KCNN1: variants seen among roughly 807,000 people sequenced by gnomAD.
KCNN1 encodes small conductance calcium-activated potassium channel protein 1.
KCNN1 carries 20 observed loss-of-function variants against 44.7 expected under a neutral mutation model. The observed-to-expected ratio is 0.45, with a 90% confidence interval of 0.32 to 0.65. The LOEUF (loss-of-function observed/expected upper bound fraction) is 0.65, where lower values mean the gene tolerates loss of function less well. Ranked by LOEUF, KCNN1 falls within the 30% of genes least tolerant of loss-of-function variation. The pLI is 0.05. For synonymous variants in KCNN1, 324 were observed against 341.7 expected, an observed-to-expected ratio of 0.95 and a Z score of 0.57; for missense variants, 632 against 785.3, an observed-to-expected ratio of 0.80 and a Z score of 2.33.
chr19:17,996,762 G>A (rs1032595238), intron 9 of KCNN1, among the ~76,000 whole-genome samples: 2 of 152,196 alleles, frequency 1.3e-5, no homozygotes, highest in Non-Finnish European at 2.9e-5. Flanking sequence ...GTGCTAGGAG[G>A]GGAGGCCCCC....
intron 1 of KCNN1, among the ~76,000 whole-genome samples, chr19:17,953,888 C>T (rs983318189): frequency 4.6e-5 from 7 of 152,276 alleles, no homozygotes; most frequent in South Asian, 4.1e-4. Flanking sequence ...CATGTTCATG[C>T]GACTGCACTC....
intron 5 of KCNN1, among the ~76,000 whole-genome samples, chr19:17,987,786 C>T (rs755089972): frequency 7.7e-5 from 11 of 142,124 alleles, no homozygotes; most frequent in Non-Finnish European, 1.2e-4. Context: ...CATTTGAGGC[C>T]AGGTGTCCGA....
intron 7 of KCNN1, among the ~76,000 whole-genome samples, chr19:17,990,821 AAAAG>A (rs2032767892): frequency 1.3e-5 from 2 of 151,586 alleles, no homozygotes; most frequent in South Asian, 4.2e-4. Flanking sequence ...AAAAGAAAGA[AAAAG>A]AAAAAAAAGA....
rs754324500 is a variant in KCNN1, at chr19:17,983,231, C to A, written c.917+1104C>A. ...CAGAGGCAGGAGGGGCTCCGCCAGGCCTGGGGTGTGAGGGTGCCTTATCTG... is the reference window on the plus strand; with the variant it reads ...CAGAGGCAGGAGGGGCTCCGCCAGGACTGGGGTGTGAGGGTGCCTTATCTG... On this transcript the variant is annotated intron_variant, in intron 4 of 9. Transcript: ENST00000684775. The surrounding 1 kb of genome is among the most constrained non-coding windows in gnomAD (Gnocchi z 4.5). 6.6e-6 allele frequency among the ~76,000 whole-genome samples: 1 copy of A among 152,024 alleles called. No homozygotes were observed. Among genetic ancestry groups the A allele is most frequent in the African/African-American group, 2.4e-5 (1 of 41,382 alleles).
At position 17,993,055 on chromosome 19, in the gene KCNN1, G is replaced by T. The variant is rs1416931883; in HGVS notation, c.1300G>T (p.Ala434Ser). 3.7e-6 allele frequency: 6 copies of T among 1,613,650 alleles called. No homozygotes were observed. Among genetic ancestry groups the T allele is most frequent in the Non-Finnish European group, 4.2e-6 (5 of 1,179,816 alleles). Residue 434 changes from alanine to serine, a missense_variant and splice_region_variant, in exon 8 of 10, where the codon GCT (alanine) becomes TCT (serine). This residue lies in a region of KCNN1 where 237 missense variants were observed against 253.0 expected (regional missense o/e 0.94). Transcript: ENST00000684775. The surrounding 1 kb of genome is among the most constrained non-coding windows in gnomAD (Gnocchi z 4.5). The part of the protein sequence containing the change: ...QRKFLQAIHQ[A>S]QKLRSVKIEQ... ...TCCTGCTCTGCCCGGTCCTGCCAGG[G>T]CTCAGAAGTAAGTGTTCTCCCAGGG...
At position 17,975,138 on chromosome 19, in the gene KCNN1, C is replaced by T. The variant is rs375399835; in HGVS notation, c.449C>T (p.Thr150Met). 3.1e-6 allele frequency: 5 copies of T among 1,613,608 alleles called. No homozygotes were observed. Among genetic ancestry groups the T allele is most frequent in the East Asian group, 2.2e-5 (1 of 44,892 alleles). Residue 150 changes from threonine to methionine, a missense_variant, in exon 3 of 10, where the codon ACG becomes ATG. Physicochemically the swap from Thr to Met is moderately conservative, Grantham distance 81. Transcript: ENST00000684775. ...FALKCLISLS[T>M]AILLGLVVLY... is the part of the protein sequence containing the mutation. ...CTCAAATGCCTCATCAGCCTCTCCA[C>T]GGCCATCCTGCTGGGTCTCGTTGTC...
Position 17,998,702 on chromosome 19 carries a change from C to A in KCNN1, c.*296C>A. The stretch of plus-strand genomic sequence containing the variant: ...TGCTGGTTCTGAATAAAGCAGGACC[C>A]GCCTAGTGGCTGCCTGTGTGCATGG... On this transcript the variant is annotated 3_prime_UTR_variant, in exon 10 of 10. Coordinates refer to ENST00000684775, the MANE Select transcript of KCNN1 (RefSeq NM_001386974.1). The surrounding 1 kb of genome is among the most constrained non-coding windows in gnomAD (Gnocchi z 5.4). 1 of 330,730 alleles carries A rather than the reference C, an allele frequency of 3.0e-6. No homozygotes were observed. Among genetic ancestry groups the A allele is most frequent in the Non-Finnish European group, 5.5e-6 (1 of 181,638 alleles). The allele number at this position is 330,730 out of a possible 1,614,324, so 20.5% of individuals were successfully genotyped here.
chr19:17,951,964 C>T (rs755304020), intron 1 of KCNN1, among the ~76,000 whole-genome samples: 1 of 152,222 alleles, frequency 6.6e-6, no homozygotes, highest in Non-Finnish European at 1.5e-5. Context: ...AAGATGAGCA[C>T]CTTGGGCCAG....
chr19:17,994,845 A>G (rs2032929801), intron 9 of KCNN1, among the ~76,000 whole-genome samples: 1 of 152,140 alleles, frequency 6.6e-6, no homozygotes, highest in South Asian at 2.1e-4. Flanking sequence ...TGCCCAGCCC[A>G]TTTCCCACTT....
intron 7 of KCNN1, chr19:17,990,130 T>C: frequency 1.8e-6 from 1 of 559,564 alleles, no homozygotes; most frequent in Non-Finnish European, 3.4e-6. Flanking sequence ...TTCCTCTTTT[T>C]GCTTTGTCTG....
In KCNN1 at chr19:17,973,993, A is replaced by AC. The variant is rs1333261838; in HGVS notation, c.110dup (p.His38AlafsTer13). The AC allele has an allele frequency of 6.3e-7, 1 of 1,581,560 alleles. No homozygotes were observed. The highest frequency in any genetic ancestry group is 1.8e-5 in the Admixed American group (1 of 54,070). On this transcript the variant is annotated frameshift_variant, in exon 2 of 10. Coordinates refer to ENST00000684775, the MANE Select transcript of KCNN1 (RefSeq NM_001386974.1). Reference sequence around the variant, plus strand: ...ACCCTGAGGCCGGCCACCCCCCACAACCCCCGCACAGCCCGGGCCTCCAGG... The same window carrying AC: ...ACCCTGAGGCCGGCCACCCCCCACAACCCCCCGCACAGCCCGGGCCTCCAGG...
Position 17,988,091 on chromosome 19 carries a change from G to A in KCNN1, c.1060-324G>A, listed in dbSNP as rs547747451. On this transcript the variant is annotated intron_variant, in intron 5 of 9. Transcript: ENST00000684775. The stretch of plus-strand genomic sequence containing the variant: ...AATCGCTTGAACCTGGGAAGTGGAG[G>A]TTGCAGTCAGCTGAGATTGTGCCAC... Among the ~76,000 whole-genome samples the A allele has an allele frequency of 6.8e-5, 10 of 146,500 alleles. No homozygotes were observed. In the South Asian group the frequency reaches 2.2e-3, roughly 32 times the overall value.
chr19:17,966,166 T>C (rs2031804969), upstream of KCNN1, among the ~76,000 whole-genome samples: 1 of 152,104 alleles, frequency 6.6e-6, no homozygotes, highest in Non-Finnish European at 1.5e-5. Context: ...GTTCCTGACC[T>C]GGGCCAAAGC....
In KCNN1 at chr19:17,974,077, C is replaced by G. The variant is rs74846154; in HGVS notation, c.189C>G (p.Pro63=). The G allele has an allele frequency of 1.9e-6, 3 of 1,611,548 alleles. No individual in the cohort carries two copies. The highest frequency in any genetic ancestry group is 2.7e-5 in the African/African-American group (2 of 74,912). The change falls in exon 2 of 10, where the codon CCC becomes CCG. Residue 63 remains proline (P), a synonymous_variant. Coordinates refer to ENST00000684775, the MANE Select transcript of KCNN1 (RefSeq NM_001386974.1). The surrounding 1 kb of genome is among the most constrained non-coding windows in gnomAD (Gnocchi z 7.3). ...RPSPGSPRGQ[P]QDQDDDEDDE... Reference sequence around the variant, plus strand: ...CACCCGGCAGCCCCCGGGGGCAGCCCCAGGACCAGGACGATGACGAGGATG... The same window carrying G: ...CACCCGGCAGCCCCCGGGGGCAGCCGCAGGACCAGGACGATGACGAGGATG...
At chr19:17,989,941 G>A in intron 7 of KCNN1, 98 bp downstream of exon 7, 2 of 1,579,528 alleles carry the variant, frequency 1.3e-6, no homozygotes, top group Non-Finnish European at 1.7e-6. Flanking sequence ...CCCTGCCAGG[G>A]ACGGGTGGTC....
At chr19:17,966,062 T>G, upstream of KCNN1, among the ~76,000 whole-genome samples, 1 of 150,150 alleles carries the variant, frequency 6.7e-6, no homozygotes, top group Non-Finnish European at 1.5e-5. Context: ...CCTTCCTTCC[T>G]TCCTTCCTTC....
intron 2 of KCNN1, among the ~76,000 whole-genome samples, chr19:17,961,474 G>C (rs931841722): frequency 6.6e-6 from 1 of 152,142 alleles, no homozygotes; most frequent in African/African-American, 2.4e-5. Flanking sequence ...AAGAGATAGA[G>C]GCTGCAATGG....
intron 3 of KCNN1, among the ~76,000 whole-genome samples, chr19:17,978,211 C>T (rs2032272304): frequency 6.8e-6 from 1 of 148,050 alleles, no homozygotes; most frequent in East Asian, 2.0e-4. Context: ...ATTGCAACCT[C>T]CGCCTCCTGG....
At chr19:17,965,039 TGGA>T (rs566857786), upstream of KCNN1, among the ~76,000 whole-genome samples, 21 of 151,110 alleles carry the variant, frequency 1.4e-4, 1 homozygote, top group South Asian at 4.0e-3. Flanking sequence ...ACTTTGGGAG[TGGA>T]TCGCTTGAGG....
Sources: gnomAD v4.1 joint callset for allele counts (sites outside exome capture counted in the v4.1 genomes callset) on GRCh38, gnomAD v4.1.1 for gene constraint, gnomAD v4.1.1 regional missense constraint, Gnocchi (gnomAD v3.1) non-coding constraint, MANE v1.5 for transcripts, NCBI Gene and HGNC (gene_info 2026-07-23, HGNC 2026-07-21) for gene names.